FAM118B: variants seen among roughly 807,000 people sequenced by gnomAD.
FAM118B encodes the protein SIR2 antiphage like 1.
FAM118B carries 24 observed loss-of-function variants against 38.5 expected under a neutral mutation model. The observed-to-expected ratio is 0.62, with a 90% confidence interval of 0.45 to 0.88. The LOEUF (loss-of-function observed/expected upper bound fraction) is 0.88, where lower values mean the gene tolerates loss of function less well. Ranked by LOEUF, FAM118B falls within the 40% of genes least tolerant of loss-of-function variation. FAM118B has a pLI of 0.00. For missense variants in FAM118B, 334 were observed against 420.0 expected, an observed-to-expected ratio of 0.80 and a Z score of 1.79; for synonymous variants, 138 against 156.3, an observed-to-expected ratio of 0.88 and a Z score of 0.87.
chr11:126,241,257 T>A, intron 4 of FAM118B: 2 of 452,536 alleles, frequency 4.4e-6, no homozygotes, highest in Non-Finnish European at 3.9e-6. Flanking sequence ...ACTGTGTGTC[T>A]ATGAGAGAGA....
At chr11:126,223,103 A>AGGGGGGGGGGGGGGGGG (rs562223966) in intron 1 of FAM118B, among the ~76,000 whole-genome samples, 1 of 37,812 alleles carries the variant, frequency 2.6e-5, no homozygotes, top group Non-Finnish European at 5.1e-5. Flanking sequence ...GGGGCGGGGG[A>AGGGGGGGGGGGGGGGGG]GGGGGGGGTG....
rs1467107389 is a variant in FAM118B, at chr11:126,225,935, T to A, written c.-76-3290T>A. On this transcript the variant is annotated intron_variant, in intron 1 of 8. Transcript: ENST00000533050. ...GATGGAGGTTGCAGTGAGCTGAGAT[T>A]GCACCACTGCCCTCCAGCCTGGGTG... Among the ~76,000 whole-genome samples the A allele has an allele frequency of 2.6e-5, 4 of 152,174 alleles. No homozygotes were observed. In the East Asian group the frequency reaches 5.8e-4, roughly 22 times the overall value.
chr11:126,222,409 A>G (rs1056125661), intron 1 of FAM118B, among the ~76,000 whole-genome samples: 4 of 152,244 alleles, frequency 2.6e-5, no homozygotes, highest in Non-Finnish European at 5.9e-5. Flanking sequence ...TTCTACAAGC[A>G]TATACAGAAT....
At chr11:126,215,716 A>AG (rs397771309) in intron 1 of FAM118B, among the ~76,000 whole-genome samples, 1 of 146,278 alleles carries the variant, frequency 6.8e-6, no homozygotes, top group Non-Finnish European at 1.5e-5. Flanking sequence ...AAAAAAAAAA[A>AG]TGTCCTAAAT....
At position 126,254,335 on chromosome 11, in the gene FAM118B, C is replaced by A. The variant is rs146105301; in HGVS notation, c.598C>A (p.Leu200Met). The change falls in exon 6 of 9, where the codon CTG becomes ATG. Residue 200 changes from leucine to methionine, a missense_variant. By Grantham distance (15) the Leu-to-Met change is conservative. Transcript: ENST00000533050. ...VLEWAQEKRK[L>M]SVLHIHGVYT... ...CGAGTGGGCTCAGGAGAAGCGTAAG[C>A]TGAGCGTGTTGCATATTCACGGAGT... 8 of 1,613,716 alleles carry A rather than the reference C, an allele frequency of 5.0e-6. No homozygotes were observed. Among genetic ancestry groups the A allele is most frequent in the Non-Finnish European group, 6.8e-6 (8 of 1,179,936 alleles).
In FAM118B at chr11:126,256,908, T is replaced by G. The variant is rs756267841; in HGVS notation, c.982+56T>G. 1.3e-5 allele frequency: 20 copies of G among 1,525,928 alleles called. No homozygotes were observed. The highest frequency in any genetic ancestry group is 1.8e-5 in the Non-Finnish European group (20 of 1,128,222). 94.5% of individuals were successfully genotyped at this position (1,525,928 alleles called of 1,614,324 possible). On this transcript the variant is annotated intron_variant, in intron 7 of 8. Coordinates refer to ENST00000533050, the MANE Select transcript of FAM118B (RefSeq NM_024556.4). The surrounding 1 kb of genome is among the most constrained non-coding windows in gnomAD (Gnocchi z 6.6). ...AGAGAACAACAGCTCTTCAGCCTTT[T>G]GTGTATTTGTGATGTGATGGGCAAA...
rs926943955 is a variant in FAM118B, at chr11:126,255,819, G to A, written c.697-748G>A. On this transcript the variant is annotated intron_variant, in intron 6 of 8. Coordinates refer to ENST00000533050, the MANE Select transcript of FAM118B (RefSeq NM_024556.4). This position sits in a 1 kb window ranked among gnomAD's most constrained non-coding sequence, Gnocchi z 4.6. ...AATAGGAAAATTAGCTGGGCGTGCTGGCAGGTGCCTGTAATGCCAGCTACT... is the reference window on the plus strand; with the variant it reads ...AATAGGAAAATTAGCTGGGCGTGCTAGCAGGTGCCTGTAATGCCAGCTACT... Among the ~76,000 whole-genome samples the A allele has an allele frequency of 6.6e-6, 1 of 151,926 alleles. No homozygotes were observed. The highest frequency in any genetic ancestry group is 1.5e-5 in the Non-Finnish European group (1 of 68,004).
At chr11:126,217,205 A>C (rs942076155) in intron 1 of FAM118B, among the ~76,000 whole-genome samples, 2 of 152,260 alleles carry the variant, frequency 1.3e-5, no homozygotes, top group African/African-American at 4.8e-5. Flanking sequence ...TTGAACAAAA[A>C]GACTTTTTTT....
intron 1 of FAM118B, among the ~76,000 whole-genome samples, chr11:126,224,780 TGGAG>T (rs1950117637): frequency 6.6e-6 from 1 of 152,180 alleles, no homozygotes; most frequent in Admixed American, 6.5e-5. Context: ...CCAGCGTAGC[TGGAG>T]GGAGGGTATG....
In FAM118B at chr11:126,253,975, T is replaced by C. The variant is rs1320009274; in HGVS notation, c.568-330T>C. Among the ~76,000 whole-genome samples, 5 of 152,164 alleles carry C rather than the reference T, an allele frequency of 3.3e-5. No individual in the cohort carries two copies. Among genetic ancestry groups the C allele is most frequent in the African/African-American group, 1.2e-4 (5 of 41,438 alleles). ...CAAGGGCCTGGATACAGAGGCTTGA[T>C]TTCTTGGGGCGATCACTGAAGCAGT... On this transcript the variant is annotated intron_variant, in intron 5 of 8. Coordinates refer to ENST00000533050, the MANE Select transcript of FAM118B (RefSeq NM_024556.4). This position sits in a 1 kb window ranked among gnomAD's most constrained non-coding sequence, Gnocchi z 5.1.
chr11:126,224,473 C>A (rs1950111070), intron 1 of FAM118B, among the ~76,000 whole-genome samples: 1 of 54,638 alleles, frequency 1.8e-5, no homozygotes, highest in Non-Finnish European at 3.1e-5. Flanking sequence ...GAGACCCTGT[C>A]TCAAAAAAAA....
At chr11:126,214,499 T>G (rs1403212715) in intron 1 of FAM118B, 1 of 80,124 alleles carries the variant, frequency 1.2e-5, no homozygotes, top group Non-Finnish European at 2.5e-5. Context: ...TGTTTTTTTT[T>G]TTTGTTTTTT....
chr11:126,261,355 T>C (rs1269416703), intron 7 of FAM118B, 70 bp from the exon 8 acceptor site: 115 of 1,277,038 alleles, frequency 9.0e-5, no homozygotes, highest in Non-Finnish European at 1.3e-4. Context: ...CATCTCCCTT[T>C]AGTTTTCTTT....
At chr11:126,222,910 A>C (rs1343619032) in intron 1 of FAM118B, among the ~76,000 whole-genome samples, 1 of 152,178 alleles carries the variant, frequency 6.6e-6, no homozygotes, top group Non-Finnish European at 1.5e-5. Context: ...GGAGAGGCCA[A>C]TAATTGCAAG....
chr11:126,223,194 C>T (rs1033554241), intron 1 of FAM118B, among the ~76,000 whole-genome samples: 7 of 152,012 alleles, frequency 4.6e-5, no homozygotes, highest in African/African-American at 7.3e-5. Flanking sequence ...GTGTGGATGC[C>T]GGACACTGGA....
In FAM118B at chr11:126,261,155, G is replaced by GAAATGTAAAATGTA. The variant is rs10623520; in HGVS notation, c.983-256_983-243dup. The GAAATGTAAAATGTA allele has an allele frequency of 2.1e-3, 770 of 365,096 alleles. 6 individuals carry two copies. In the East Asian group the frequency reaches 0.027, roughly 13 times the overall value. The allele number at this position is 365,096 out of a possible 1,614,324, so 22.6% of individuals were successfully genotyped here. A position where few individuals can be genotyped will look rare whatever the true frequency, so the allele number is the denominator to read the frequency against. ...CAGCAGACACATGTTGCCTGTATGT[G>GAAATGTAAAATGTA]AAATGTAAAATGTAAAATGTAAAAT... On this transcript the variant is annotated intron_variant, in intron 7 of 8. Coordinates refer to ENST00000533050, the MANE Select transcript of FAM118B (RefSeq NM_024556.4).
rs1950392444 is a variant in FAM118B at position 126,244,098 on chromosome 11, A to G, written c.339+3054A>G. Among the ~76,000 whole-genome samples the G allele has an allele frequency of 1.3e-5, 2 of 152,192 alleles. No individual in the cohort carries two copies. Among genetic ancestry groups the G allele is most frequent in the South Asian group, 4.1e-4 (2 of 4,828 alleles). On this transcript the variant is annotated intron_variant, in intron 4 of 8. Coordinates refer to ENST00000533050, the MANE Select transcript of FAM118B (RefSeq NM_024556.4). The surrounding 1 kb of genome is among the most constrained non-coding windows in gnomAD (Gnocchi z 4.5). ...GCAAACAATAGAAGGTAACTACCTC[A>G]ACACGATAAAGACCGTATATGAAAA...
chr11:126,237,684 A>G (rs1458597709), intron 3 of FAM118B, among the ~76,000 whole-genome samples: 2 of 58 alleles, frequency 0.034, no homozygotes, highest in African/African-American at 0.1. Context: ...CTCTACTAAA[A>G]AAAAAAAAAA....
intron 1 of FAM118B, among the ~76,000 whole-genome samples, chr11:126,225,995 G>C (rs895299353): frequency 6.6e-6 from 1 of 152,084 alleles, no homozygotes; most frequent in Non-Finnish European, 1.5e-5. Context: ...AAAAGAAGAA[G>C]ATTACTAAAT....
Sources: allele counts gnomAD v4.1 joint callset (sites outside exome capture counted in the v4.1 genomes callset), GRCh38; gene constraint gnomAD v4.1.1; non-coding constraint Gnocchi (gnomAD v3.1); transcripts MANE v1.5; gene names NCBI Gene and HGNC (gene_info 2026-07-23, HGNC 2026-07-21).